CACNA1B: variants seen among roughly 807,000 people sequenced by gnomAD.
CACNA1B encodes the protein voltage-dependent N-type calcium channel subunit alpha-1B.
In CACNA1B, 70 loss-of-function variants were observed where a neutral mutation model predicts 247.2. The ratio of observed to expected loss-of-function variants is 0.28; its 90% confidence interval spans 0.23 to 0.35. CACNA1B has a LOEUF of 0.35. Ranked by LOEUF, CACNA1B falls within the 10% of genes least tolerant of loss-of-function variation. The probability of loss-of-function intolerance (pLI) is 1.00; values close to 1 mark genes in which losing one functional copy is unlikely to be tolerated. For missense variants in CACNA1B, 2,367 were observed against 3,197.4 expected (o/e 0.74, Z 6.26); for synonymous variants, 1,231 against 1,294.4 (o/e 0.95, Z 1.05).
intron 6 of CACNA1B, among the ~76,000 whole-genome samples, chr9:137,920,542 A>G (rs1240077216): frequency 6.6e-6 from 1 of 152,228 alleles, no homozygotes; most frequent in East Asian, 1.9e-4. Context: ...TCCACTTGAA[A>G]GTGGCTGTAG....
intron 40 of CACNA1B, 57 bp downstream of exon 40, chr9:138,112,562 T>C (rs1236288215): frequency 4.2e-6 from 5 of 1,190,650 alleles, no homozygotes; most frequent in Non-Finnish European, 6.3e-6. Flanking sequence ...CCACCCAGAG[T>C]GGCTGGAGGG....
chr9:137,923,844 G>A (rs1957519293), intron 6 of CACNA1B, among the ~76,000 whole-genome samples: 2 of 152,276 alleles, frequency 1.3e-5, no homozygotes, highest in South Asian at 4.1e-4. Flanking sequence ...TTCTGATAGG[G>A]GTATAGTGAC....
chr9:138,075,765 G>C (rs1960294354), intron 34 of CACNA1B, 54 bp from the exon 35 acceptor site: 1 of 1,189,366 alleles, frequency 8.4e-7, no homozygotes, highest in East Asian at 2.5e-5. Context: ...GGTCCACCTG[G>C]CGCGGCTCCT....
At chr9:138,044,034 C>A in intron 21 of CACNA1B, 134 bp downstream of exon 21, 1 of 1,220,210 alleles carries the variant, frequency 8.2e-7, no homozygotes, top group Non-Finnish European at 1.2e-6. Context: ...CATGGCAGAC[C>A]CCAGAGGCAC....
Position 137,954,028 on chromosome 9 carries a change from G to A in CACNA1B, c.1070+1651G>A, listed in dbSNP as rs1217061958. On this transcript the variant is annotated intron_variant, in intron 7 of 46. Transcript: ENST00000371372. The surrounding 1 kb of genome is among the most constrained non-coding windows in gnomAD (Gnocchi z 4.1). ...AATGTGCAGAATAGCCTGAGGGGCT[G>A]GAGGGGAGGCCCAAGGCAGGGCCTG... is the stretch of plus-strand genomic sequence containing the variant. Among the ~76,000 whole-genome samples, 1 of 152,176 alleles carries A rather than the reference G, an allele frequency of 6.6e-6. No homozygotes were observed. The highest frequency in any genetic ancestry group is 1.5e-5 in the Non-Finnish European group (1 of 68,008).
chr9:138,065,203 C>T (rs1467718497), intron 31 of CACNA1B, among the ~76,000 whole-genome samples: 1 of 152,198 alleles, frequency 6.6e-6, no homozygotes, highest in Non-Finnish European at 1.5e-5. Context: ...TTCCAGCCAT[C>T]CTCATCCAGT....
At chr9:138,000,351 G>T (rs1036249372) in intron 15 of CACNA1B, among the ~76,000 whole-genome samples, 2 of 152,130 alleles carry the variant, frequency 1.3e-5, no homozygotes, top group Non-Finnish European at 2.9e-5. Flanking sequence ...GCCCGCCTTG[G>T]CCTCCCAAAG....
At position 138,059,734 on chromosome 9, in the gene CACNA1B, T is replaced by G. The variant is rs779579918; in HGVS notation, c.4665T>G (p.Ile1555Met). ...TTACTGATATTTTAGTAACAGAGAT[T>G]GCGGTAAGTAGCATTTCTGTCCCTC... Reference protein sequence around the residue: ...GSITDILVTEIAETNNFINLS... With the variant: ...GSITDILVTEMAETNNFINLS... The change falls in exon 31 of 47, where the codon ATT becomes ATG. Residue 1555 changes from isoleucine (I) to methionine (M), a missense_variant. Coordinates refer to ENST00000371372, the MANE Select transcript of CACNA1B (RefSeq NM_000718.4). The surrounding 1 kb of genome is among the most constrained non-coding windows in gnomAD (Gnocchi z 4.2). 2 of 1,582,480 alleles carry G rather than the reference T, an allele frequency of 1.3e-6. No individual in the cohort carries two copies. Among genetic ancestry groups the G allele is most frequent in the Non-Finnish European group, 1.7e-6 (2 of 1,151,164 alleles).
In CACNA1B at chr9:137,974,570, A is replaced by T. The variant is rs967453435; in HGVS notation, c.1544-1337A>T. On this transcript the variant is annotated intron_variant, in intron 11 of 46. Transcript: ENST00000371372. This position sits in a 1 kb window ranked among gnomAD's most constrained non-coding sequence, Gnocchi z 4.5. ...TTATCCCAGGTCTGGGCTGCTGCAG[A>T]CTTGCCCCCGACCGAGGCTGTCTGG... Among the ~76,000 whole-genome samples, 1 of 152,166 alleles carries T rather than the reference A, an allele frequency of 6.6e-6. No homozygotes were observed. The highest frequency in any genetic ancestry group is 2.1e-4 in the South Asian group (1 of 4,826).
chr9:137,877,899 C>G lies in CACNA1B; in HGVS notation c.-35C>G, dbSNP rs1956855309. On this transcript the variant is annotated 5_prime_UTR_variant, in exon 1 of 47. Coordinates refer to ENST00000371372, the MANE Select transcript of CACNA1B (RefSeq NM_000718.4). ...CGCCCCGCGCCCTCCCTGCCGGGGC[C>G]GCTGGGCCGGGGATGCACGCGGGGC... The G allele has an allele frequency of 7.0e-6, 7 of 998,618 alleles. No individual in the cohort carries two copies. The highest frequency in any genetic ancestry group is 5.3e-5 in the African/African-American group (3 of 56,952). 61.9% of individuals were successfully genotyped at this position (998,618 alleles called of 1,614,324 possible). A position where few individuals can be genotyped will look rare whatever the true frequency, so the allele number is the denominator to read the frequency against.
At chr9:137,976,176 C>T (rs1383553664) in intron 12 of CACNA1B, among the ~76,000 whole-genome samples, 157 bp downstream of exon 12, 6 of 152,242 alleles carry the variant, frequency 3.9e-5, no homozygotes, top group Admixed American at 2.0e-4. Flanking sequence ...GGGCTGGCAG[C>T]GGGAGGCCTG....
At chr9:138,093,141 C>T (rs1960934426) in intron 36 of CACNA1B, among the ~76,000 whole-genome samples, 1 of 151,890 alleles carries the variant, frequency 6.6e-6, no homozygotes, top group Non-Finnish European at 1.5e-5. Flanking sequence ...GAGAATAGGC[C>T]AGGTGCAGTA....
chr9:138,000,246 C>T (rs1359838621), intron 15 of CACNA1B, among the ~76,000 whole-genome samples: 4 of 151,964 alleles, frequency 2.6e-5, no homozygotes, highest in Non-Finnish European at 5.9e-5. Context: ...CTACAGGCGC[C>T]CGCCACTACG....
rs1355486253 is a variant in CACNA1B at position 137,883,067 on chromosome 9, C to T, written c.530+184C>T. 9 of 651,722 alleles carry T rather than the reference C, an allele frequency of 1.4e-5. No individual in the cohort carries two copies. In the South Asian group the frequency reaches 1.5e-4, roughly 11 times the overall value. 40.4% of individuals were successfully genotyped at this position (651,722 alleles called of 1,614,324 possible). A position where few individuals can be genotyped will look rare whatever the true frequency, so the allele number is the denominator to read the frequency against. On this transcript the variant is annotated intron_variant, in intron 3 of 46. Transcript: ENST00000371372. Reference sequence around the variant, plus strand: ...CCCTGTGTGCTATGGGGGTGCTTCTCCCAGGGGTGCCAGTGCTGTATTTCT... The same window carrying T: ...CCCTGTGTGCTATGGGGGTGCTTCTTCCAGGGGTGCCAGTGCTGTATTTCT...
chr9:137,967,123 T>A (rs765593298), intron 10 of CACNA1B, among the ~76,000 whole-genome samples: 25 of 152,164 alleles, frequency 1.6e-4, no homozygotes, highest in Non-Finnish European at 2.5e-4. Context: ...CTCTCCTCCC[T>A]TGCTTATTTT....
At chr9:137,939,489 G>C (rs1216475186) in intron 6 of CACNA1B, among the ~76,000 whole-genome samples, 1 of 152,046 alleles carries the variant, frequency 6.6e-6, no homozygotes, top group Admixed American at 6.6e-5. Context: ...ATGAAATCAA[G>C]ACGGAAATTT....
chr9:137,926,333 G>C (rs1441225779), intron 6 of CACNA1B, among the ~76,000 whole-genome samples: 2 of 152,166 alleles, frequency 1.3e-5, no homozygotes, highest in Non-Finnish European at 2.9e-5. Context: ...CTCCCAAAGT[G>C]CTGGGATTAC....
At chr9:138,047,224 G>T (rs1959192682) in intron 22 of CACNA1B, among the ~76,000 whole-genome samples, 175 bp from the exon 23 acceptor site, 1 of 152,168 alleles carries the variant, frequency 6.6e-6, no homozygotes, top group South Asian at 2.1e-4. Flanking sequence ...CGGCAGAGGG[G>T]GCCTGTTCCC....
At chr9:137,942,996 C>T (rs979699290) in intron 6 of CACNA1B, among the ~76,000 whole-genome samples, 2 of 151,714 alleles carry the variant, frequency 1.3e-5, no homozygotes, top group Non-Finnish European at 1.5e-5. Flanking sequence ...TATCTCCTGG[C>T]CTGATTTTGG....
Sources: allele counts gnomAD v4.1 joint callset (sites outside exome capture counted in the v4.1 genomes callset), GRCh38; gene constraint gnomAD v4.1.1; non-coding constraint Gnocchi (gnomAD v3.1); transcripts MANE v1.5; gene names NCBI Gene and HGNC (gene_info 2026-07-23, HGNC 2026-07-21).